The following SMAP1 variants were observed in gnomAD, a reference collection of about 807,000 sequenced individuals.
SMAP1 encodes small ArfGAP 1.
Under a neutral mutation model 58.5 loss-of-function variants are expected in SMAP1, and 24 were observed. The observed-to-expected ratio is 0.41, with a 90% CI of 0.30 to 0.58. The LOEUF (loss-of-function observed/expected upper bound fraction) is 0.58, where lower values mean the gene tolerates loss of function less well. Ranked by LOEUF, SMAP1 falls within the 20% of genes least tolerant of loss-of-function variation. SMAP1 has a pLI of 0.29. For missense variants in SMAP1, 563 were observed against 566.3 expected (o/e 0.99, Z 0.06); for synonymous variants, 216 against 196.6 (o/e 1.10, Z -0.82).
At chr6:70,767,215 G>C (rs932440092) in intron 3 of SMAP1, among the ~76,000 whole-genome samples, 7 of 151,842 alleles carry the variant, frequency 4.6e-5, no homozygotes, top group African/African-American at 1.7e-4. Context: ...GCTTAGGATT[G>C]ACTTGGCGAT....
chr6:70,773,282 G>A (rs1767402813), intron 3 of SMAP1, 68 bp from the exon 4 acceptor site: 2 of 895,380 alleles, frequency 2.2e-6, no homozygotes, highest in Non-Finnish European at 1.7e-6. Context: ...GCTTTGTGGA[G>A]TGGCGTGAAT....
intron 6 of SMAP1, among the ~76,000 whole-genome samples, chr6:70,815,059 A>G (rs1582243801): frequency 6.6e-6 from 1 of 152,176 alleles, no homozygotes; most frequent in African/African-American, 2.4e-5. Flanking sequence ...TTAGCATTTT[A>G]TAAAATTTAT....
At chr6:70,837,668 CTT>C (rs35922889) in intron 7 of SMAP1, 160 of 422,420 alleles carry the variant, frequency 3.8e-4, no homozygotes, top group South Asian at 4.7e-4. Flanking sequence ...CTCTCTCTCT[CTT>C]TTTTTTTTTT....
rs973856929 is a variant in SMAP1 at position 70,739,361 on chromosome 6, T to A, written c.252+6850T>A. ...TCAATTTTACCTGTTTTAATTTTTT[T>A]AAATGAGGCTAATAGAGATTTAAAA... On this transcript the variant is annotated intron_variant, in intron 2 of 10. Coordinates refer to ENST00000370455, the MANE Select transcript of SMAP1 (RefSeq NM_001044305.3). Among the ~76,000 whole-genome samples, 3 of 152,182 alleles carry A rather than the reference T, an allele frequency of 2.0e-5. No individual in the cohort carries two copies. In the East Asian group the frequency reaches 5.8e-4, roughly 29 times the overall value.
intron 7 of SMAP1, among the ~76,000 whole-genome samples, chr6:70,844,385 G>A (rs1770912859): frequency 2.0e-5 from 3 of 152,242 alleles, no homozygotes; most frequent in South Asian, 2.1e-4. Flanking sequence ...GTAGCACCAT[G>A]GGGCTCTTCC....
chr6:70,707,349 TATTATCCTC>T (rs1767880579), intron 1 of SMAP1, among the ~76,000 whole-genome samples: 1 of 152,188 alleles, frequency 6.6e-6, no homozygotes, highest in East Asian at 1.9e-4. Flanking sequence ...AAAACTTTTA[TATTATCCTC>T]ATTAACTTTT....
chr6:70,860,642 T>C lies in SMAP1; in HGVS notation c.*308T>C, dbSNP rs1771678209. ...CTCAATAAAATTATAGCTCTAATGT[T>C]TGCATATAAGGGAAGTAGTTATCAT... On this transcript the variant is annotated 3_prime_UTR_variant, in exon 11 of 11. Transcript: ENST00000370455. 4.7e-6 allele frequency: 2 copies of C among 424,566 alleles called. No homozygotes were observed. The highest frequency in any genetic ancestry group is 6.9e-5 in the East Asian group (2 of 29,170). 26.3% of individuals were successfully genotyped at this position (424,566 alleles called of 1,614,324 possible).
chr6:70,826,119 C>G (rs1243308705), intron 6 of SMAP1, among the ~76,000 whole-genome samples: 1 of 152,200 alleles, frequency 6.6e-6, no homozygotes, highest in African/African-American at 2.4e-5. Flanking sequence ...AAGGGACTCT[C>G]TTTAAATTAC....
intron 1 of SMAP1, among the ~76,000 whole-genome samples, chr6:70,714,664 A>G (rs1358680792): frequency 1.3e-5 from 2 of 152,232 alleles, no homozygotes; most frequent in South Asian, 2.1e-4. Context: ...TTTTGCCCGT[A>G]TATTTAACTT....
intron 2 of SMAP1, among the ~76,000 whole-genome samples, chr6:70,749,487 T>G (rs1434330113): frequency 6.6e-6 from 1 of 152,190 alleles, no homozygotes; most frequent in Non-Finnish European, 1.5e-5. Context: ...TTTGACTATT[T>G]TAACATTTTG....
chr6:70,746,856 T>C (rs1354442928), intron 2 of SMAP1, among the ~76,000 whole-genome samples: 6 of 152,156 alleles, frequency 3.9e-5, no homozygotes, highest in Non-Finnish European at 8.8e-5. Context: ...CAGAGGCTGA[T>C]TTAAGTCTAA....
chr6:70,760,269 C>T (rs1378768576), intron 3 of SMAP1, among the ~76,000 whole-genome samples: 1 of 152,012 alleles, frequency 6.6e-6, no homozygotes, highest in African/African-American at 2.4e-5. Context: ...CTGTTGTTAC[C>T]TCAGTCATTC....
chr6:70,729,459 T>TTGTGTGTGTGTGTGTGTGTGTG (rs35058846), intron 1 of SMAP1, among the ~76,000 whole-genome samples: 51 of 128,132 alleles, frequency 4.0e-4, no homozygotes, highest in Non-Finnish European at 5.3e-4. Context: ...AAAAAGAAGG[T>TTGTGTGTGTGTGTGTGTGTGTG]TGTGTGTGTG....
chr6:70,835,401 A>C (rs1770539846), intron 6 of SMAP1, among the ~76,000 whole-genome samples: 2 of 152,250 alleles, frequency 1.3e-5, no homozygotes, highest in African/African-American at 2.4e-5. Flanking sequence ...TAGCTAACAA[A>C]AAATGAACTC....
chr6:70,702,316 A>C (rs1258484772), intron 1 of SMAP1, among the ~76,000 whole-genome samples: 1 of 150,674 alleles, frequency 6.6e-6, no homozygotes, highest in African/African-American at 2.5e-5. Flanking sequence ...TCCACCTCTT[A>C]ATTTGGGAAT....
At chr6:70,747,823 G>GTAGTAATTCTCTCCA (rs1383681888) in intron 2 of SMAP1, among the ~76,000 whole-genome samples, 124 of 152,088 alleles carry the variant, frequency 8.2e-4, no homozygotes, top group Non-Finnish European at 1.4e-3. Flanking sequence ...CATTCTCTCC[G>GTAGTAATTCTCTCCA]TTTGTAGTAA....
At chr6:70,705,346 G>A (rs1483640213) in intron 1 of SMAP1, among the ~76,000 whole-genome samples, 5 of 151,622 alleles carry the variant, frequency 3.3e-5, no homozygotes, top group Non-Finnish European at 7.4e-5. Flanking sequence ...CCACCTCCTG[G>A]GTTCAAGTGA....
At chr6:70,733,999 T>A (rs534270116) in intron 2 of SMAP1, among the ~76,000 whole-genome samples, 1 of 88,220 alleles carries the variant, frequency 1.1e-5, no homozygotes, top group Non-Finnish European at 2.1e-5. Context: ...TGGCAATATA[T>A]TGGATTTTTT....
At chr6:70,767,222 C>T (rs572025885) in intron 3 of SMAP1, among the ~76,000 whole-genome samples, 123 of 151,704 alleles carry the variant, frequency 8.1e-4, no homozygotes, top group African/African-American at 2.9e-3. Flanking sequence ...ATTGACTTGG[C>T]GATGCGGGCT....
Sources: gnomAD v4.1 joint callset for allele counts (sites outside exome capture counted in the v4.1 genomes callset) on GRCh38, gnomAD v4.1.1 for gene constraint, MANE v1.5 for transcripts, NCBI Gene and HGNC (gene_info 2026-07-23, HGNC 2026-07-21) for gene names.